The following NT5C2 variants were observed in gnomAD, a reference collection of about 807,000 sequenced individuals.
NT5C2 encodes the protein cytosolic purine 5'-nucleotidase.
A neutral mutation model predicts 76.1 loss-of-function variants in NT5C2; 58 were observed. That is an observed-to-expected ratio of 0.76 (90% confidence interval 0.62 to 0.95). NT5C2 has a LOEUF of 0.95. Ranked by LOEUF, NT5C2 falls within the 40% of genes least tolerant of loss-of-function variation. NT5C2 has a pLI of 0.00. For synonymous variants in NT5C2, 229 were observed against 237.4 expected (o/e 0.96, Z 0.32); for missense variants, 478 against 690.3 (o/e 0.69, Z 3.45).
intron 11 of NT5C2, among the ~76,000 whole-genome samples, chr10:103,096,788 G>A (rs1311568192): frequency 1.4e-5 from 2 of 142,882 alleles, no homozygotes; most frequent in African/African-American, 5.2e-5. Flanking sequence ...AGAGGTTGCA[G>A]TGAGCCGAGA....
chr10:103,125,318 G>A, intron 4 of NT5C2: 1 of 512,628 alleles, frequency 2.0e-6, no homozygotes, highest in Non-Finnish European at 3.6e-6. Context: ...AAAAGACAAT[G>A]ACTTTGGAGC....
chr10:103,157,252 T>C (rs2083613654), intron 3 of NT5C2, among the ~76,000 whole-genome samples: 1 of 151,918 alleles, frequency 6.6e-6, no homozygotes, highest in Non-Finnish European at 1.5e-5. Context: ...AAGAACGAAC[T>C]AATCCAAGGA....
chr10:103,129,047 G>C (rs1450774470), intron 4 of NT5C2, among the ~76,000 whole-genome samples: 1 of 118,040 alleles, frequency 8.5e-6, no homozygotes, highest in Non-Finnish European at 1.9e-5. Flanking sequence ...CCCCCCGACC[G>C]GCCAGCCGTG....
rs758997600 is a variant in NT5C2, at chr10:103,139,358, G to A, written c.175+48C>T. 2.6e-5 allele frequency: 34 copies of A among 1,303,294 alleles called. 1 individual carries two copies. In the Middle Eastern group the frequency reaches 5.9e-3, roughly 225 times the overall value. 80.7% of individuals were successfully genotyped at this position (1,303,294 alleles called of 1,614,324 possible). ...GAATTGCCTACTGTGAACCCACTGT[G>A]TTATACCCAAAGCAGCAGTTCTTAA... On this transcript the variant is annotated intron_variant, in intron 4 of 18. Transcript: ENST00000404739.
chr10:103,173,242 A>G (rs1213635571), intron 3 of NT5C2, among the ~76,000 whole-genome samples: 3 of 152,260 alleles, frequency 2.0e-5, no homozygotes, highest in South Asian at 2.1e-4. Context: ...CCCACATTCA[A>G]TCTAACACAC....
At position 103,088,052 on chromosome 10, in the gene NT5C2, T is replaced by TTTA. The variant is rs1349720251; in HGVS notation, c.*1617_*1619dup. On this transcript the variant is annotated 3_prime_UTR_variant, in exon 19 of 19. Coordinates refer to ENST00000404739, the MANE Select transcript of NT5C2 (RefSeq NM_001351169.2). ...TTAGAACATAATCAGTTCTTGAATA[T>TTTA]TTATTTCCTTTAAGAGAATATCAAA... 1.3e-5 allele frequency: 2 copies of TTTA among 152,140 alleles called. No homozygotes were observed. Among genetic ancestry groups the TTTA allele is most frequent in the African/African-American group, 4.8e-5 (2 of 41,454 alleles). 9.4% of individuals were successfully genotyped at this position (152,140 alleles called of 1,614,324 possible).
chr10:103,163,479 G>A (rs1240501251), intron 3 of NT5C2, among the ~76,000 whole-genome samples: 1 of 151,992 alleles, frequency 6.6e-6, no homozygotes, highest in Non-Finnish European at 1.5e-5. Flanking sequence ...ATTGTAACAG[G>A]CATATATACA....
chr10:103,096,845 C>CAAAAAA (rs71019656), intron 11 of NT5C2, among the ~76,000 whole-genome samples: 5 of 31,368 alleles, frequency 1.6e-4, no homozygotes, highest in Non-Finnish European at 2.4e-4. Context: ...GACTCTGTCT[C>CAAAAAA]AAAAAAAAAA....
intron 4 of NT5C2, among the ~76,000 whole-genome samples, chr10:103,114,366 G>A (rs1278430297): frequency 3.3e-5 from 5 of 151,982 alleles, no homozygotes; most frequent in South Asian, 2.1e-4. Context: ...CTGAGATCAC[G>A]CCACTGCACT....
At chr10:103,183,262 G>GATATATATATATATATATATATATAT (rs201371414) in intron 1 of NT5C2, among the ~76,000 whole-genome samples, 29 of 73,368 alleles carry the variant, frequency 4.0e-4, no homozygotes, top group African/African-American at 7.8e-4. Context: ...GTGTGTGTGT[G>GATATATATATATATATATATATATAT]ATATATATAT....
chr10:103,184,712 C>T (rs375030858), intron 1 of NT5C2, among the ~76,000 whole-genome samples: 1 of 152,180 alleles, frequency 6.6e-6, no homozygotes, highest in South Asian at 2.1e-4. Context: ...CTAAATGAAT[C>T]TTTGTGAAAT....
At chr10:103,093,568 A>G (rs1445653498) in intron 14 of NT5C2, among the ~76,000 whole-genome samples, 5 of 152,164 alleles carry the variant, frequency 3.3e-5, no homozygotes, top group Non-Finnish European at 4.4e-5. Flanking sequence ...ATAACCTTCA[A>G]AACAGCCACT....
chr10:103,147,254 A>G (rs2081636904), intron 3 of NT5C2, among the ~76,000 whole-genome samples: 1 of 152,214 alleles, frequency 6.6e-6, no homozygotes, highest in Non-Finnish European at 1.5e-5. Context: ...ATTGGATCTT[A>G]AAGTTCAAAA....
intron 2 of NT5C2, among the ~76,000 whole-genome samples, chr10:103,177,548 G>A (rs2090226615): frequency 6.6e-6 from 1 of 152,094 alleles, no homozygotes; most frequent in African/African-American, 2.4e-5. Context: ...TTCTGAGACA[G>A]GGTCTCACTG....
chr10:103,118,397 C>A (rs1269903748), intron 4 of NT5C2, among the ~76,000 whole-genome samples: 1 of 145,350 alleles, frequency 6.9e-6, no homozygotes, highest in Non-Finnish European at 1.5e-5. Flanking sequence ...CATTCTGTAG[C>A]CCAGGCTGAA....
chr10:103,106,700 T>G lies in NT5C2; in HGVS notation c.182A>C (p.Lys61Thr), dbSNP rs767057029. 1 of 1,584,492 alleles carries G rather than the reference T, an allele frequency of 6.3e-7. No individual in the cohort carries two copies. Among genetic ancestry groups the G allele is most frequent in the Admixed American group, 1.7e-5 (1 of 59,908 alleles). ...FDMDYTLAVYKSPEYESLGFE... is the reference protein window; with the variant it reads ...FDMDYTLAVYTSPEYESLGFE... Reference sequence around the variant, plus strand: ...ACCAAGGGACTCATACTCTGGGGACTTGTACACTGCACAAAGAGGAGGTTT... The same window carrying G: ...ACCAAGGGACTCATACTCTGGGGACGTGTACACTGCACAAAGAGGAGGTTT... Residue 61 changes from lysine (K) to threonine (T), a missense_variant, in exon 5 of 19, where the codon AAG becomes ACG. Physicochemically the swap from Lys to Thr is moderately conservative, Grantham distance 78. Coordinates refer to ENST00000404739, the MANE Select transcript of NT5C2 (RefSeq NM_001351169.2).
At chr10:103,102,891 G>T (rs959540733) in intron 6 of NT5C2, among the ~76,000 whole-genome samples, 1 of 151,752 alleles carries the variant, frequency 6.6e-6, no homozygotes, top group Non-Finnish European at 1.5e-5. Flanking sequence ...GATCATCTAC[G>T]TACAGATACT....
intron 3 of NT5C2, among the ~76,000 whole-genome samples, chr10:103,155,581 A>C (rs893994228): frequency 6.6e-6 from 1 of 152,134 alleles, no homozygotes; most frequent in African/African-American, 2.4e-5. Flanking sequence ...CATAAACATC[A>C]TGATGTGTGA....
chr10:103,183,694 G>A (rs1324572433), intron 1 of NT5C2, among the ~76,000 whole-genome samples: 1 of 150,930 alleles, frequency 6.6e-6, no homozygotes, highest in African/African-American at 2.4e-5. Flanking sequence ...GGTGGGAGGA[G>A]GGTGAGGGAT....
Sources: allele counts gnomAD v4.1 joint callset (sites outside exome capture counted in the v4.1 genomes callset), GRCh38; gene constraint gnomAD v4.1.1; transcripts MANE v1.5; gene names NCBI Gene and HGNC (gene_info 2026-07-23, HGNC 2026-07-21).